KATNIP: variants seen among roughly 807,000 people sequenced by gnomAD.
The protein encoded by KATNIP is katanin interacting protein, also known as katanin-interacting protein.
Under a neutral mutation model 174.0 loss-of-function variants are expected in KATNIP, and 126 were observed. The ratio of observed to expected loss-of-function variants is 0.72; its 90% CI spans 0.63 to 0.84. The LOEUF (loss-of-function observed/expected upper bound fraction) is 0.84. KATNIP is among the 40% of genes least tolerant of loss of function. KATNIP has a pLI of 0.00. For missense variants in KATNIP, 1,958 were observed against 2,109.7 expected (o/e 0.93, Z 1.41); for synonymous variants, 810 against 835.7 (o/e 0.97, Z 0.53).
chr16:27,765,309 G>A (rs766325721), intron 19 of KATNIP, among the ~76,000 whole-genome samples: 1 of 152,232 alleles, frequency 6.6e-6, no homozygotes, highest in Non-Finnish European at 1.5e-5. Context: ...GATTGTCCTT[G>A]GGACAAACAC....
rs139826984 is a variant in KATNIP at position 27,691,623 on chromosome 16, C to T, written c.941-6705C>T. Among the ~76,000 whole-genome samples the T allele has an allele frequency of 1.1e-4, 16 of 152,320 alleles. No individual in the cohort carries two copies. The East Asian group carries it at 3.1e-3, about 29-fold the overall frequency. ...ACGTGATTTTGGAGAACTGGGGCGC[C>T]ATGTAGGACGGTTCTGGAAAGCCAG... On this transcript the variant is annotated intron_variant, in intron 8 of 27. Transcript: ENST00000261588.
chr16:27,662,053 T>TATATAC lies in KATNIP; in HGVS notation c.540+13323_540+13324insCATATA, dbSNP rs1401843437. ...ATATATATATATATACACATACATA[T>TATATAC]ATATATATATATATATATACACACA... On this transcript the variant is annotated intron_variant, in intron 6 of 27. Transcript: ENST00000261588. Among the ~76,000 whole-genome samples, 2 of 87,954 alleles carry TATATAC rather than the reference T, an allele frequency of 2.3e-5. 1 individual carries two copies. Among genetic ancestry groups the TATATAC allele is most frequent in the African/African-American group, 1.1e-4 (2 of 18,416 alleles). 57.7% of individuals were successfully genotyped at this position (87,954 alleles called of 152,430 possible).
At chr16:27,569,692 G>A (rs907305314) in intron 1 of KATNIP, among the ~76,000 whole-genome samples, 3 of 152,226 alleles carry the variant, frequency 2.0e-5, no homozygotes, top group Admixed American at 6.5e-5. Context: ...GGCAGGAGCT[G>A]TCTTCGCATC....
At chr16:27,735,750 A>G (rs1442835073) in intron 14 of KATNIP, among the ~76,000 whole-genome samples, 8 of 152,166 alleles carry the variant, frequency 5.3e-5, no homozygotes, top group Non-Finnish European at 1.0e-4. Context: ...GTGATCCTGA[A>G]ATTTGTTAGC....
chr16:27,554,537 CCTT>C (rs1200203938), intron 1 of KATNIP, among the ~76,000 whole-genome samples: 1 of 152,150 alleles, frequency 6.6e-6, no homozygotes, highest in Non-Finnish European at 1.5e-5. Flanking sequence ...GTGGACCCCT[CCTT>C]CTCCCAGGAT....
At chr16:27,594,539 T>A (rs2075278623) in intron 2 of KATNIP, among the ~76,000 whole-genome samples, 1 of 151,974 alleles carries the variant, frequency 6.6e-6, no homozygotes, top group African/African-American at 2.4e-5. Context: ...AAGTCTCAGA[T>A]CTCACAATTT....
chr16:27,741,679 G>A (rs1372187269), intron 15 of KATNIP, among the ~76,000 whole-genome samples: 1 of 152,208 alleles, frequency 6.6e-6, no homozygotes, highest in Non-Finnish European at 1.5e-5. Context: ...GAGGCGGGCA[G>A]ATAACCTGAG....
At chr16:27,563,325 T>C (rs2089960440) in intron 1 of KATNIP, among the ~76,000 whole-genome samples, 1 of 152,104 alleles carries the variant, frequency 6.6e-6, no homozygotes, top group Non-Finnish European at 1.5e-5. Context: ...GCTAAGGCCC[T>C]GAGGCAGGAA....
chr16:27,689,324 G>T (rs536380020), intron 8 of KATNIP, among the ~76,000 whole-genome samples: 1 of 152,166 alleles, frequency 6.6e-6, no homozygotes, highest in South Asian at 2.1e-4. Context: ...GCTGAGGTTG[G>T]AGAATCACTT....
chr16:27,733,940 G>A (rs935686248), intron 14 of KATNIP, among the ~76,000 whole-genome samples: 1 of 151,878 alleles, frequency 6.6e-6, no homozygotes, highest in Non-Finnish European at 1.5e-5. Flanking sequence ...ACACTTATGC[G>A]GTATATACGT....
chr16:27,751,446 T>C (rs2081512519), intron 16 of KATNIP, among the ~76,000 whole-genome samples: 1 of 152,154 alleles, frequency 6.6e-6, no homozygotes, highest in Non-Finnish European at 1.5e-5. Flanking sequence ...GCGTCTTGCA[T>C]AGTGCCTTGC....
chr16:27,551,231 T>A (rs2089348889), intron 1 of KATNIP, among the ~76,000 whole-genome samples: 1 of 152,254 alleles, frequency 6.6e-6, no homozygotes, highest in Admixed American at 6.5e-5. Context: ...AGATCATTTT[T>A]CTAATTACAG....
chr16:27,757,210 G>A (rs976628381), intron 18 of KATNIP, among the ~76,000 whole-genome samples: 2 of 152,098 alleles, frequency 1.3e-5, no homozygotes, highest in Middle Eastern at 3.2e-3. Context: ...TCAGCCTCCC[G>A]AGTAGCTGGG....
At chr16:27,625,659 G>A (rs2076310317) in intron 3 of KATNIP, among the ~76,000 whole-genome samples, 1 of 152,148 alleles carries the variant, frequency 6.6e-6, no homozygotes, top group African/African-American at 2.4e-5. Context: ...AAAGATGAAT[G>A]TATCAGCTGC....
chr16:27,662,149 G>A (rs2077548326), intron 6 of KATNIP, among the ~76,000 whole-genome samples: 1 of 139,626 alleles, frequency 7.2e-6, no homozygotes, highest in Non-Finnish European at 1.5e-5. Context: ...GCCCTGGCTG[G>A]TCTTGAACTC....
chr16:27,766,026 A>G (rs1360758947), intron 19 of KATNIP, among the ~76,000 whole-genome samples: 4 of 151,120 alleles, frequency 2.6e-5, no homozygotes, highest in African/African-American at 9.7e-5. Flanking sequence ...AAAATGGTTC[A>G]TTTTCCCTTT....
At chr16:27,580,802 T>C (rs992068285) in intron 2 of KATNIP, among the ~76,000 whole-genome samples, 4 of 152,220 alleles carry the variant, frequency 2.6e-5, no homozygotes, top group African/African-American at 9.6e-5. Context: ...AGTACTCCAT[T>C]GTGAATTTAC....
chr16:27,742,524 C>T (rs1311508237), intron 15 of KATNIP, among the ~76,000 whole-genome samples: 3 of 152,234 alleles, frequency 2.0e-5, no homozygotes, highest in African/African-American at 7.2e-5. Context: ...CACCCCATAC[C>T]ACGTGGGAGC....
chr16:27,752,222 G>A (rs946729117), intron 17 of KATNIP, among the ~76,000 whole-genome samples: 4 of 152,120 alleles, frequency 2.6e-5, no homozygotes, highest in Admixed American at 2.6e-4. Flanking sequence ...TCTGGGGGGA[G>A]TTTTTGCTTG....
Sources: allele counts gnomAD v4.1 joint callset (sites outside exome capture counted in the v4.1 genomes callset), GRCh38; gene constraint gnomAD v4.1.1; transcripts MANE v1.5; gene names NCBI Gene and HGNC (gene_info 2026-07-23, HGNC 2026-07-21).